Variants in CEP83 observed in about 807,000 individuals in gnomAD.
The protein encoded by CEP83 is centrosomal protein of 83 kDa.
In CEP83, 70 loss-of-function variants were observed where a neutral mutation model predicts 101.9. That is an observed-to-expected ratio of 0.69 (90% CI 0.57 to 0.84). CEP83 has a LOEUF of 0.84. CEP83 is among the 40% of genes least tolerant of loss of function. The pLI, the probability that CEP83 is intolerant of heterozygous loss-of-function variation, is 0.00. For synonymous variants in CEP83, 264 were observed against 267.9 expected (o/e 0.99, Z 0.14); for missense variants, 715 against 787.2 (o/e 0.91, Z 1.10).
chr12:94,331,878 A>C (rs2059240504), intron 13 of CEP83, 49 bp from the exon 14 acceptor site: 1 of 1,543,210 alleles, frequency 6.5e-7, no homozygotes, highest in South Asian at 1.1e-5. Flanking sequence ...AGTTCTTAGG[A>C]TTAAATAGAT....
intron 1 of CEP83, among the ~76,000 whole-genome samples, chr12:94,447,096 A>C (rs1169948069): frequency 6.6e-6 from 1 of 152,254 alleles, no homozygotes; most frequent in African/African-American, 2.4e-5. Flanking sequence ...CCCTTCAAAA[A>C]TGAAGATGAA....
chr12:94,287,860 C>CT, the CEP83 span, among the ~76,000 whole-genome samples: 1 of 152,340 alleles, frequency 6.6e-6, no homozygotes, highest in South Asian at 2.1e-4. Flanking sequence ...GGGTACTGTT[C>CT]TAGGGCTTTG....
At chr12:94,404,684 T>C (rs972163696) in intron 4 of CEP83, among the ~76,000 whole-genome samples, 2 of 152,148 alleles carry the variant, frequency 1.3e-5, no homozygotes, top group Non-Finnish European at 2.9e-5. Flanking sequence ...TATTCAATAG[T>C]ATTTACTTTA....
At chr12:94,315,391 C>T (rs1299153289) in intron 14 of CEP83, among the ~76,000 whole-genome samples, 1 of 152,040 alleles carries the variant, frequency 6.6e-6, no homozygotes, top group Non-Finnish European at 1.5e-5. Context: ...TTCTTTGTGA[C>T]GTGTCCATCC....
downstream of CEP83, chr12:94,303,767 T>TAATA: frequency 8.2e-7 from 1 of 1,224,610 alleles, no homozygotes; most frequent in Non-Finnish European, 1.1e-6. Flanking sequence ...AAGCACCAAC[T>TAATA]AATAAGCTTC....
intron 15 of CEP83, among the ~76,000 whole-genome samples, chr12:94,312,090 T>C (rs1261533344): frequency 2.6e-5 from 4 of 151,990 alleles, no homozygotes; most frequent in African/African-American, 7.3e-5. Context: ...AAAAAAAGAA[T>C]TGAAACAAAA....
intron 14 of CEP83, among the ~76,000 whole-genome samples, chr12:94,330,428 A>G (rs2059152301): frequency 6.6e-6 from 1 of 152,238 alleles, no homozygotes. Context: ...TGAAATAGAA[A>G]AAAGTTGTAA....
At chr12:94,293,407 G>A in the CEP83 span, among the ~76,000 whole-genome samples, 11 of 152,198 alleles carry the variant, frequency 7.2e-5, no homozygotes, top group Non-Finnish European at 1.6e-4. Flanking sequence ...TAATAGAGTA[G>A]TGTCATAGTC....
At chr12:94,395,780 C>T (rs868717320) in intron 6 of CEP83, among the ~76,000 whole-genome samples, 40 of 152,256 alleles carry the variant, frequency 2.6e-4, no homozygotes, top group Middle Eastern at 3.4e-3. Flanking sequence ...AAGATGGCGC[C>T]GCTGCGCTCC....
downstream of CEP83, chr12:94,306,720 G>A (rs1366561533): frequency 6.6e-6 from 1 of 152,090 alleles, no homozygotes; most frequent in Non-Finnish European, 1.5e-5. Flanking sequence ...ATTTAAATAT[G>A]AATTTGTCTT....
chr12:94,383,923 A>G (rs1474104865), intron 6 of CEP83, among the ~76,000 whole-genome samples: 1 of 152,074 alleles, frequency 6.6e-6, no homozygotes, highest in Non-Finnish European at 1.5e-5. Context: ...TACCTAAAAT[A>G]TTTTCTCTAT....
chr12:94,401,434 T>C (rs965055657), intron 5 of CEP83, among the ~76,000 whole-genome samples: 2 of 152,212 alleles, frequency 1.3e-5, no homozygotes, highest in African/African-American at 4.8e-5. Context: ...AATATTACAA[T>C]GATAGTTTAA....
intron 1 of CEP83, among the ~76,000 whole-genome samples, chr12:94,447,957 T>A (rs2066929370): frequency 6.6e-6 from 1 of 151,640 alleles, no homozygotes. Flanking sequence ...CAGATGTAAA[T>A]CCAATAATAT....
chr12:94,383,279 T>C (rs1193953435), intron 6 of CEP83, among the ~76,000 whole-genome samples: 5 of 152,240 alleles, frequency 3.3e-5, no homozygotes, highest in Middle Eastern at 3.4e-3. Context: ...GAGTTTCTTA[T>C]AGACATCATA....
the CEP83 span, among the ~76,000 whole-genome samples, chr12:94,285,999 G>A: frequency 6.6e-6 from 1 of 152,190 alleles, no homozygotes; most frequent in Non-Finnish European, 1.5e-5. Context: ...AGTCTCTCCA[G>A]CAGGGAGAAT....
intron 14 of CEP83, among the ~76,000 whole-genome samples, chr12:94,331,346 C>A (rs1593197368): frequency 8.8e-6 from 1 of 114,040 alleles, no homozygotes; most frequent in Admixed American, 9.1e-5. Context: ...CCATAGAAAT[C>A]ACCTTTTTTC....
Position 94,368,203 on chromosome 12 carries a change from T to C in CEP83, c.1049-2A>G. Reference sequence around the variant, plus strand: ...GAATTTCATTGTCTGACTGTAATCCTAGTGTTTTTCAAGGAGAAAAGTGTA... The same window carrying C: ...GAATTTCATTGTCTGACTGTAATCCCAGTGTTTTTCAAGGAGAAAAGTGTA... On this transcript the variant is annotated splice_acceptor_variant, in intron 9 of 16. Transcript: ENST00000397809. LOFTEE classifies it high-confidence loss of function. The C allele has an allele frequency of 6.2e-7, 1 of 1,606,862 alleles. No homozygotes were observed. Among genetic ancestry groups the C allele is most frequent in the Non-Finnish European group, 8.5e-7 (1 of 1,177,134 alleles).
the CEP83 span, among the ~76,000 whole-genome samples, chr12:94,301,320 T>C: frequency 6.6e-5 from 10 of 152,242 alleles, no homozygotes; most frequent in African/African-American, 2.4e-4. Context: ...GTATGCGTTT[T>C]GTTTCCTAGA....
chr12:94,296,118 C>T, the CEP83 span, among the ~76,000 whole-genome samples: 1 of 152,176 alleles, frequency 6.6e-6, no homozygotes, highest in Non-Finnish European at 1.5e-5. Context: ...CTTTTCCTCT[C>T]CATCTACTCC....
Sources: gnomAD v4.1 joint callset for allele counts (sites outside exome capture counted in the v4.1 genomes callset) on GRCh38, gnomAD v4.1.1 for gene constraint, MANE v1.5 for transcripts, NCBI Gene and HGNC (gene_info 2026-07-23, HGNC 2026-07-21) for gene names.